Variants in SPON1 observed in about 807,000 individuals in gnomAD.
SPON1 encodes spondin 1.
In SPON1, 52 loss-of-function variants were observed where a neutral mutation model predicts 111.7. The observed-to-expected ratio is 0.47, with a 90% CI of 0.37 to 0.59. SPON1 has a LOEUF of 0.59. Among genes scored for constraint, SPON1 ranks in the 20% least tolerant of loss-of-function variants. The probability of loss-of-function intolerance (pLI) is 0.00; values close to 1 mark genes in which losing one functional copy is unlikely to be tolerated. For synonymous variants in SPON1, 410 were observed against 395.8 expected, an observed-to-expected ratio of 1.04 and a Z score of -0.43; for missense variants, 957 against 1,068.5, an observed-to-expected ratio of 0.90 and a Z score of 1.46.
chr11:14,170,334 C>T (rs1156842228), intron 6 of SPON1, among the ~76,000 whole-genome samples: 3 of 152,054 alleles, frequency 2.0e-5, no homozygotes, highest in Non-Finnish European at 4.4e-5. Context: ...GTGATTTTTG[C>T]ACATTGATTT....
intron 2 of SPON1, among the ~76,000 whole-genome samples, chr11:14,037,467 A>G (rs992812692): frequency 1.3e-5 from 2 of 152,174 alleles, no homozygotes; most frequent in Non-Finnish European, 1.5e-5. Flanking sequence ...CAAAGGTAAT[A>G]TAATAGAGCA....
rs1215444782 is a variant in SPON1 at position 14,241,666 on chromosome 11, C to T, written c.826-1666C>T. On this transcript the variant is annotated intron_variant, in intron 6 of 15. Transcript: ENST00000576479. ...GCATATGAGATGACTGGAGGAAAAC[C>T]AGGTCTGGGGAGACATGGAGCTGGC... 2.0e-5 allele frequency among the ~76,000 whole-genome samples: 3 copies of T among 152,054 alleles called. No homozygotes were observed. The East Asian group carries it at 5.8e-4, about 29-fold the overall frequency.
chr11:13,968,109 C>T (rs1440614393), intron 1 of SPON1, among the ~76,000 whole-genome samples: 3 of 152,220 alleles, frequency 2.0e-5, no homozygotes, highest in Non-Finnish European at 4.4e-5. Flanking sequence ...CACTCTCACA[C>T]TGTCCATTTG....
chr11:14,057,208 C>T lies in SPON1; in HGVS notation c.479+15554C>T, dbSNP rs191838197. ...TAGAATGGAGAAATCTGGCAGCCACCTGTAATGTGTGCCACCTGATAGGAT... is the reference window on the plus strand; with the variant it reads ...TAGAATGGAGAAATCTGGCAGCCACTTGTAATGTGTGCCACCTGATAGGAT... On this transcript the variant is annotated intron_variant, in intron 3 of 15. Coordinates refer to ENST00000576479, the MANE Select transcript of SPON1 (RefSeq NM_006108.4). Among the ~76,000 whole-genome samples, 4 of 152,242 alleles carry T rather than the reference C, an allele frequency of 2.6e-5. No individual in the cohort carries two copies. In the East Asian group the frequency reaches 7.7e-4, roughly 29 times the overall value.
At chr11:13,963,527 C>T (rs1847991823) in intron 1 of SPON1, among the ~76,000 whole-genome samples, 1 of 152,198 alleles carries the variant, frequency 6.6e-6, no homozygotes, top group Admixed American at 6.5e-5. Flanking sequence ...CCAGGCTTCT[C>T]TTGGTCGGGT....
intron 5 of SPON1, among the ~76,000 whole-genome samples, chr11:14,100,305 AC>A (rs1431375193): frequency 6.6e-6 from 1 of 151,808 alleles, no homozygotes; most frequent in Non-Finnish European, 1.5e-5. Flanking sequence ...GATTCCATCT[AC>A]CCCATATTTA....
intron 1 of SPON1, among the ~76,000 whole-genome samples, chr11:13,975,759 C>T (rs1554909011): frequency 6.6e-6 from 1 of 152,206 alleles, no homozygotes; most frequent in Admixed American, 6.5e-5. Context: ...TGCAATCCTT[C>T]CAGTGGTCCT....
In SPON1 at chr11:14,130,804, T is replaced by C. The variant is rs1847519414; in HGVS notation, c.677-4616T>C. Among the ~76,000 whole-genome samples the C allele has an allele frequency of 1.3e-5, 2 of 151,994 alleles. 1 individual carries two copies. Among genetic ancestry groups the C allele is most frequent in the South Asian group, 4.2e-4 (2 of 4,810 alleles). On this transcript the variant is annotated intron_variant, in intron 5 of 15. Coordinates refer to ENST00000576479, the MANE Select transcript of SPON1 (RefSeq NM_006108.4). ...CTTTTCCCAATCTTTTACAGATATC[T>C]TGCTCTCACCTAATTATATATTATT...
At chr11:14,184,814 G>T (rs1037833914) in intron 6 of SPON1, among the ~76,000 whole-genome samples, 1 of 152,138 alleles carries the variant, frequency 6.6e-6, no homozygotes, top group African/African-American at 2.4e-5. Context: ...AGGCCTATTT[G>T]CCCCTCCAGC....
At chr11:14,213,483 A>G (rs1848596241) in intron 6 of SPON1, among the ~76,000 whole-genome samples, 1 of 152,180 alleles carries the variant, frequency 6.6e-6, no homozygotes, top group Non-Finnish European at 1.5e-5. Context: ...CATTTAAAGA[A>G]AAATGCACTA....
At position 14,265,597 on chromosome 11, in the gene SPON1, C is replaced by T. The variant is rs529556374; in HGVS notation, c.2334C>T (p.Tyr778=). ...GCGGAGGTGGAATTCAGGAACGTTA[C>T]ATGACTGTAAAGAAGAGATTCAAAA... is the stretch of plus-strand genomic sequence containing the variant. ...KLCGGGIQER[Y]MTVKKRFKSS... Residue 778 remains tyrosine (Y), a synonymous_variant, in exon 16 of 16, where the codon TAC becomes TAT. Transcript: ENST00000576479. The T allele has an allele frequency of 1.9e-4, 314 of 1,613,766 alleles. 1 individual carries two copies. In the South Asian group the frequency reaches 3.1e-3, roughly 16 times the overall value.
intron 2 of SPON1, among the ~76,000 whole-genome samples, chr11:14,015,507 T>C (rs781909850): frequency 3.9e-5 from 6 of 151,954 alleles, no homozygotes; most frequent in Admixed American, 1.3e-4. Context: ...TTTCAACATA[T>C]GAATTTTAGG....
chr11:14,103,623 G>GT (rs1849162608), intron 5 of SPON1, among the ~76,000 whole-genome samples: 1 of 152,178 alleles, frequency 6.6e-6, no homozygotes, highest in Non-Finnish European at 1.5e-5. Context: ...CAGTGTCTCT[G>GT]TTAGTTCCTT....
chr11:14,182,146 A>G (rs532302597), intron 6 of SPON1, among the ~76,000 whole-genome samples: 6 of 152,072 alleles, frequency 3.9e-5, no homozygotes, highest in African/African-American at 1.4e-4. Flanking sequence ...GGTCTCTAAC[A>G]CTCTTAAGCT....
intron 3 of SPON1, among the ~76,000 whole-genome samples, chr11:14,041,995 C>T (rs1848634920): frequency 6.6e-6 from 1 of 152,072 alleles, no homozygotes; most frequent in South Asian, 2.1e-4. Flanking sequence ...TTTCTCGGAA[C>T]ATACAGCACC....
At chr11:14,025,086 G>A (rs1848508015) in intron 2 of SPON1, among the ~76,000 whole-genome samples, 1 of 152,140 alleles carries the variant, frequency 6.6e-6, no homozygotes, top group Non-Finnish European at 1.5e-5. Context: ...GTAAGAGACT[G>A]GGGGTGCAGT....
At chr11:14,262,555 C>G (rs1849197968) in intron 14 of SPON1, 157 bp from the exon 15 acceptor site, 4 of 970,370 alleles carry the variant, frequency 4.1e-6, no homozygotes, top group South Asian at 3.3e-5. Flanking sequence ...CTGAAGTCAG[C>G]CTGCCTCTTT....
rs782073976 is a variant in SPON1 at position 14,061,341 on chromosome 11, CATCT to C, written c.480-13999_480-13996del. ...TGTGTGTGTGAATGTACACAACTATCATCTATCTGTCATTCTATGTATCTATCAT... is the reference window on the plus strand; with the variant it reads ...TGTGTGTGTGAATGTACACAACTATCATCTGTCATTCTATGTATCTATCAT... On this transcript the variant is annotated intron_variant, in intron 3 of 15. Transcript: ENST00000576479. Among the ~76,000 whole-genome samples the C allele has an allele frequency of 1.6e-4, 25 of 152,312 alleles. No homozygotes were observed. The East Asian group carries it at 3.9e-3, about 24-fold the overall frequency.
At chr11:14,086,202 G>A (rs111877401) in intron 5 of SPON1, among the ~76,000 whole-genome samples, 32 of 152,250 alleles carry the variant, frequency 2.1e-4, no homozygotes, top group African/African-American at 7.2e-4. Flanking sequence ...AGTGGTGAGA[G>A]GGGGCATCCT....
Sources: gnomAD v4.1 joint callset for allele counts (sites outside exome capture counted in the v4.1 genomes callset) on GRCh38, gnomAD v4.1.1 for gene constraint, MANE v1.5 for transcripts, NCBI Gene and HGNC (gene_info 2026-07-23, HGNC 2026-07-21) for gene names.